The following IGFBP7 variants were observed in gnomAD, a reference collection of about 807,000 sequenced individuals.
IGFBP7 encodes the protein insulin-like growth factor-binding protein 7.
Under a neutral mutation model 29.4 loss-of-function variants are expected in IGFBP7, and 31 were observed. The observed-to-expected ratio is 1.05, with a 90% CI of 0.79 to 1.42. The LOEUF (loss-of-function observed/expected upper bound fraction) is 1.42, where lower values mean the gene tolerates loss of function less well. Ranked by LOEUF, IGFBP7 falls within the 40% of genes most tolerant of loss-of-function variation. The pLI, the probability that IGFBP7 is intolerant of heterozygous loss-of-function variation, is 0.00. For missense variants in IGFBP7, 393 were observed against 395.5 expected (o/e 0.99, Z 0.05); for synonymous variants, 172 against 174.9 (o/e 0.98, Z 0.13).
intron 4 of IGFBP7, 54 bp from the exon 5 acceptor site, chr4:57,031,390 C>T: frequency 7.3e-7 from 1 of 1,368,316 alleles, no homozygotes; most frequent in East Asian, 2.3e-5. Context: ...ATGTGGTTGA[C>T]TTTTGAATTG....
chr4:57,102,531 G>A (rs1241930226), intron 1 of IGFBP7, among the ~76,000 whole-genome samples: 1 of 152,010 alleles, frequency 6.6e-6, no homozygotes, highest in African/African-American at 2.4e-5. Context: ...TCATCTAAAT[G>A]TGCCTTGTGG....
intron 1 of IGFBP7, among the ~76,000 whole-genome samples, chr4:57,061,531 G>A (rs750504253): frequency 2.0e-5 from 3 of 152,178 alleles, no homozygotes; most frequent in Non-Finnish European, 4.4e-5. Context: ...AGCTGAGACA[G>A]CTACTGACTG....
At chr4:57,041,403 C>T (rs59659580) in intron 1 of IGFBP7, among the ~76,000 whole-genome samples, 7,699 of 152,216 alleles carry the variant, frequency 0.051, 259 homozygotes, top group East Asian at 0.15. Flanking sequence ...AGCACCCAGA[C>T]AAGATGGAAG....
At chr4:57,044,045 AGAG>A (rs1724297017) in intron 1 of IGFBP7, among the ~76,000 whole-genome samples, 1 of 152,238 alleles carries the variant, frequency 6.6e-6, no homozygotes, top group East Asian at 1.9e-4. Flanking sequence ...TGTTCTGAGA[AGAG>A]CATACCAGTT....
intron 3 of IGFBP7, 104 bp downstream of exon 3, chr4:57,033,091 A>G: frequency 2.4e-6 from 2 of 823,866 alleles, no homozygotes; most frequent in South Asian, 1.3e-5. Context: ...GATGTGGAAG[A>G]GCAAGCACCT....
intron 3 of IGFBP7, 69 bp downstream of exon 3, chr4:57,033,126 C>G: frequency 9.0e-7 from 1 of 1,106,138 alleles, no homozygotes. Flanking sequence ...CATCAGGCAC[C>G]TTTGCCAGGT....
At chr4:57,039,936 T>C (rs1423390432) in intron 2 of IGFBP7, among the ~76,000 whole-genome samples, 1 of 151,122 alleles carries the variant, frequency 6.6e-6, no homozygotes, top group Non-Finnish European at 1.5e-5. Context: ...TCACACTTTT[T>C]TTTTTCTTTT....
At chr4:57,099,135 C>T (rs769378054) in intron 1 of IGFBP7, among the ~76,000 whole-genome samples, 6 of 152,144 alleles carry the variant, frequency 3.9e-5, no homozygotes, top group Non-Finnish European at 8.8e-5. Flanking sequence ...AATGAAAATG[C>T]CTTTGAGCAT....
Position 57,109,992 on chromosome 4 carries a change from G to A in IGFBP7, c.360C>T (p.Cys120=), listed in dbSNP as rs755512623. ...VCVCKSRYPV[C]GSDGTTYPSG... ...TCGGGTAGGTGGTGCCGTCGCTGCC[G>A]CACACCGGGTAGCGGCTCTTGCACA... The change falls in exon 1 of 5, where the codon TGC becomes TGT. Residue 120 remains cysteine (C), a synonymous_variant. Transcript: ENST00000295666. 185 of 1,545,352 alleles carry A rather than the reference G, an allele frequency of 1.2e-4. No individual in the cohort carries two copies. The highest frequency in any genetic ancestry group is 1.6e-4 in the Non-Finnish European group (179 of 1,151,262).
intron 1 of IGFBP7, among the ~76,000 whole-genome samples, chr4:57,047,763 T>A (rs1724397755): frequency 6.6e-6 from 1 of 152,134 alleles, no homozygotes; most frequent in South Asian, 2.1e-4. Context: ...AGAGACTGGG[T>A]CTTCTCTGTC....
At chr4:57,089,208 C>T (rs1406995216) in intron 1 of IGFBP7, among the ~76,000 whole-genome samples, 1 of 152,112 alleles carries the variant, frequency 6.6e-6, no homozygotes, top group Non-Finnish European at 1.5e-5. Flanking sequence ...TTACTTAGAT[C>T]TGAGGATGAA....
At chr4:57,064,165 C>T (rs557645698) in intron 1 of IGFBP7, among the ~76,000 whole-genome samples, 1 of 152,184 alleles carries the variant, frequency 6.6e-6, no homozygotes, top group East Asian at 1.9e-4. Flanking sequence ...ACGGTGAAAC[C>T]CCATCTCTAC....
intron 1 of IGFBP7, among the ~76,000 whole-genome samples, chr4:57,071,205 G>C (rs946374169): frequency 1.1e-5 from 1 of 93,578 alleles, no homozygotes; most frequent in Non-Finnish European, 2.4e-5. Context: ...TTGATATATT[G>C]GGGGGGAATG....
intron 2 of IGFBP7, among the ~76,000 whole-genome samples, chr4:57,039,718 T>C (rs1724173533): frequency 6.7e-6 from 1 of 148,952 alleles, no homozygotes; most frequent in African/African-American, 2.5e-5. Flanking sequence ...CTCAATCTCC[T>C]GGCTCAAGGG....
chr4:57,089,039 T>A (rs61331354), intron 1 of IGFBP7, among the ~76,000 whole-genome samples: 70,463 of 131,932 alleles, frequency 0.53, 20,642 homozygotes, highest in Admixed American at 0.66. Context: ...CTCAAAAAAA[T>A]AAAAAAAAAA....
intron 1 of IGFBP7, among the ~76,000 whole-genome samples, chr4:57,050,616 C>T (rs1724481106): frequency 6.6e-6 from 1 of 152,052 alleles, no homozygotes; most frequent in South Asian, 2.1e-4. Context: ...ACGATCATAG[C>T]TCACTGCAGA....
Position 57,110,301 on chromosome 4 carries a change from C to T in IGFBP7, c.51G>A (p.Leu17=), listed in dbSNP as rs776836079. 9.1e-6 allele frequency: 13 copies of T among 1,422,940 alleles called. No individual in the cohort carries two copies. The African/African-American group carries it at 1.3e-4, about 15-fold the overall frequency. 88.1% of individuals were successfully genotyped at this position (1,422,940 alleles called of 1,614,324 possible). A position where few individuals can be genotyped will look rare whatever the true frequency, so the allele number is the denominator to read the frequency against. The change falls in exon 1 of 5, where the codon CTG becomes CTA. Residue 17 remains leucine, a synonymous_variant. Coordinates refer to ENST00000295666, the MANE Select transcript of IGFBP7 (RefSeq NM_001553.3). ...RALLLGAAGL[L]LLLLPLSSSS... is the part of the protein sequence containing the mutation. ...AAGAGGAGAGGGGCAGGAGCAGGAG[C>T]AGCAGCCCAGCGGCGCCGAGGAGCA... is the stretch of plus-strand genomic sequence containing the variant.
chr4:57,077,031 C>T (rs1195965015), intron 1 of IGFBP7, among the ~76,000 whole-genome samples: 1 of 152,118 alleles, frequency 6.6e-6, no homozygotes, highest in Non-Finnish European at 1.5e-5. Flanking sequence ...ACGCTAACCT[C>T]ACTAGTACTG....
At chr4:57,095,759 A>T (rs1725745184) in intron 1 of IGFBP7, among the ~76,000 whole-genome samples, 1 of 152,184 alleles carries the variant, frequency 6.6e-6, no homozygotes, top group African/African-American at 2.4e-5. Flanking sequence ...GAAGATGCCC[A>T]TCGGAAAGGC....
Sources: allele counts gnomAD v4.1 joint callset (sites outside exome capture counted in the v4.1 genomes callset), GRCh38; gene constraint gnomAD v4.1.1; transcripts MANE v1.5; gene names NCBI Gene and HGNC (gene_info 2026-07-23, HGNC 2026-07-21).